C19orf53: variants seen among roughly 807,000 people sequenced by gnomAD.
C19orf53 encodes the protein leydig cell tumor 10 kDa protein homolog.
C19orf53 carries 9 observed loss-of-function variants against 6.5 expected under a neutral mutation model. That is an observed-to-expected ratio of 1.38 (90% CI 0.83 to 2.40). The LOEUF (loss-of-function observed/expected upper bound fraction) is 2.40, where lower values mean the gene tolerates loss of function less well. Ranked by LOEUF, C19orf53 falls within the 30% of genes most tolerant of loss-of-function variation. The pLI, the probability that C19orf53 is intolerant of heterozygous loss-of-function variation, is 0.00. For missense variants in C19orf53, 166 were observed against 129.7 expected (o/e 1.28, Z -1.36); for synonymous variants, 68 against 52.5 (o/e 1.29, Z -1.27).
rs1974384056 is a variant in C19orf53, at chr19:13,777,612, CA to C, written c.154-439del. Among the ~76,000 whole-genome samples, 3 of 151,856 alleles carry C rather than the reference CA, an allele frequency of 2.0e-5. No individual in the cohort carries two copies. The East Asian group carries it at 5.8e-4, about 29-fold the overall frequency. On this transcript the variant is annotated intron_variant, in intron 2 of 2. Coordinates refer to ENST00000588234, the MANE Select transcript of C19orf53 (RefSeq NM_014047.3). ...GGGGTTCACACTGCTGGTTTTGCCC[CA>C]CGCTTGTGCCTTACTTGCCAGCTCC...
In C19orf53 at chr19:13,774,648, C is replaced by G. The variant is rs779799737; in HGVS notation, c.98-4C>G. The G allele has an allele frequency of 6.2e-7, 1 of 1,611,162 alleles. No individual in the cohort carries two copies. Among genetic ancestry groups the G allele is most frequent in the African/African-American group, 1.3e-5 (1 of 74,998 alleles). ...CGGCCTCACGTGAGCACATCTTTCC[C>G]CAGGTCGTGTTATCGCTCCCAAGAA... On this transcript the variant is annotated splice_polypyrimidine_tract_variant and splice_region_variant and intron_variant, in intron 1 of 2. Transcript: ENST00000588234.
At position 13,776,124 on chromosome 19, in the gene C19orf53, A is replaced by ATT. The variant is rs57201742; in HGVS notation, c.153+1443_153+1444dup. Among the ~76,000 whole-genome samples, 665 of 84,884 alleles carry ATT rather than the reference A, an allele frequency of 7.8e-3. 16 individuals carry two copies. The highest frequency in any genetic ancestry group is 8.9e-3 in the African/African-American group (192 of 21,692). The allele number at this position is 84,884 out of a possible 152,430, so 55.7% of individuals were successfully genotyped here. A position where few individuals can be genotyped will look rare whatever the true frequency, so the allele number is the denominator to read the frequency against. On this transcript the variant is annotated intron_variant, in intron 2 of 2. Transcript: ENST00000588234. ...AGGCCTGCACCACCACACCGGGCTA[A>ATT]TTTTTTTTTTTTTTTTTTTTTTTTT...
At chr19:13,778,017 G>T in intron 2 of C19orf53, 35 bp from the exon 3 acceptor site, 1 of 1,582,668 alleles carries the variant, frequency 6.3e-7, no homozygotes, top group South Asian at 1.1e-5. Flanking sequence ...CTCAGCCCCA[G>T]GTCACAATCT....
rs766418989 is a variant in C19orf53 at position 13,778,203 on chromosome 19, G to A, written c.*5G>A. On this transcript the variant is annotated 3_prime_UTR_variant, in exon 3 of 3. Transcript: ENST00000588234. ...TCCTCCAAGACACCTTCCTGAGGAC[G>A]CTGGCCCCAGTGCAGGCCAACATCC... The A allele has an allele frequency of 1.8e-5, 29 of 1,594,836 alleles. No homozygotes were observed. In the African/African-American group the frequency reaches 2.3e-4, roughly 13 times the overall value.
chr19:13,774,777 G>A, intron 2 of C19orf53, 70 bp downstream of exon 2: 1 of 1,536,460 alleles, frequency 6.5e-7, no homozygotes, highest in Non-Finnish European at 8.8e-7. Flanking sequence ...AGGACGGCGA[G>A]GGGGGATGGG....
At chr19:13,775,298 T>C (rs34830227) in intron 2 of C19orf53, among the ~76,000 whole-genome samples, 48,347 of 151,744 alleles carry the variant, frequency 0.32, 8,255 homozygotes, top group South Asian at 0.44. Context: ...TCATTTTTTT[T>C]TGAGTCAGGG....
Position 13,778,115 on chromosome 19 carries a change from C to G in C19orf53, c.217C>G (p.Leu73Val). Residue 73 changes from leucine (L) to valine (V), a missense_variant, in exon 3 of 3, where the codon CTG becomes GTG. By Grantham distance (32) the Leu-to-Val change is conservative (BLOSUM62 1). Transcript: ENST00000588234. ...CGTGGTGATGAAAGCCAGCAGCAGC[C>G]TGCCCAAGAAGCTGGCACTGCTGAA... is the stretch of plus-strand genomic sequence containing the variant. The part of the protein sequence containing the change: ...HDVVMKASSS[L>V]PKKLALLKAP... The G allele has an allele frequency of 6.2e-7, 1 of 1,613,416 alleles. No individual in the cohort carries two copies. The highest frequency in any genetic ancestry group is 1.3e-5 in the African/African-American group (1 of 75,030).
chr19:13,776,801 G>A (rs35370055), intron 2 of C19orf53, among the ~76,000 whole-genome samples: 47,740 of 151,978 alleles, frequency 0.31, 8,018 homozygotes, highest in South Asian at 0.44. Flanking sequence ...CCATAGCAGC[G>A]CTTACCATCC....
intron 2 of C19orf53, among the ~76,000 whole-genome samples, chr19:13,777,542 G>A (rs1024518672): frequency 6.5e-4 from 99 of 152,200 alleles, no homozygotes; most frequent in Admixed American, 1.8e-3. Flanking sequence ...AACTCAGAAT[G>A]GCAGGGCAGA....
chr19:13,777,358 G>A (rs973201135), intron 2 of C19orf53, among the ~76,000 whole-genome samples: 3 of 152,020 alleles, frequency 2.0e-5, no homozygotes, highest in African/African-American at 7.2e-5. Context: ...CACCCAAACA[G>A]CTGAGACGAG....
intron 2 of C19orf53, among the ~76,000 whole-genome samples, 171 bp from the exon 3 acceptor site, chr19:13,777,881 C>T (rs1033227340): frequency 6.6e-6 from 1 of 152,102 alleles, no homozygotes; most frequent in Non-Finnish European, 1.5e-5. Flanking sequence ...TGTGTGGAGG[C>T]CCCGGAGAGT....
intron 2 of C19orf53, 167 bp downstream of exon 2, chr19:13,774,874 C>G (rs1201564006): frequency 2.3e-6 from 2 of 888,498 alleles, no homozygotes; most frequent in Non-Finnish European, 1.7e-6. Flanking sequence ...GCGTTAGGAG[C>G]GAAGGATGGA....
intron 2 of C19orf53, among the ~76,000 whole-genome samples, chr19:13,775,117 A>AGACCTGCG (rs961154434): frequency 6.6e-6 from 1 of 152,134 alleles, no homozygotes; most frequent in African/African-American, 2.4e-5. Flanking sequence ...CGTAGAAGCA[A>AGACCTGCG]GACCTGCGGC....
chr19:13,778,372 TAC>T lies in C19orf53; in HGVS notation c.*176_*177del. The T allele has an allele frequency of 2.8e-6, 2 of 709,998 alleles. No individual in the cohort carries two copies. Among genetic ancestry groups the T allele is most frequent in the Non-Finnish European group, 4.3e-6 (2 of 469,548 alleles). The allele number at this position is 709,998 out of a possible 1,614,324, so 44.0% of individuals were successfully genotyped here. On this transcript the variant is annotated 3_prime_UTR_variant, in exon 3 of 3. Coordinates refer to ENST00000588234, the MANE Select transcript of C19orf53 (RefSeq NM_014047.3). ...GAGAACCCAGCAATGACCAGGAAGA[TAC>T]AGTCACTAACTTCATCTGTCCCCGT...
chr19:13,778,316 A>C lies in C19orf53; in HGVS notation c.*118A>C. The C allele has an allele frequency of 7.8e-7, 1 of 1,280,322 alleles. No individual in the cohort carries two copies. The allele number at this position is 1,280,322 out of a possible 1,614,324, so 79.3% of individuals were successfully genotyped here. A position where few individuals can be genotyped will look rare whatever the true frequency, so the allele number is the denominator to read the frequency against. On this transcript the variant is annotated 3_prime_UTR_variant, in exon 3 of 3. Transcript: ENST00000588234. ...ACCCTGTCCCCCAGCACTGGGCTTC[A>C]CCTAGAACTTCAGTGGGGGCCAAGG...
intron 2 of C19orf53, among the ~76,000 whole-genome samples, chr19:13,776,144 TTTTTTTTG>T: frequency 6.8e-6 from 1 of 147,324 alleles, no homozygotes; most frequent in African/African-American, 2.5e-5. Context: ...TTTTTTTTTT[TTTTTTTTG>T]TAATTTTAGT....
At chr19:13,774,931 G>A in intron 2 of C19orf53, 1 of 610,532 alleles carries the variant, frequency 1.6e-6, no homozygotes, top group Non-Finnish European at 2.8e-6. Context: ...GCGAGGGATA[G>A]GGGCTGGGGG....
At chr19:13,777,658 C>T (rs1161682063) in intron 2 of C19orf53, among the ~76,000 whole-genome samples, 1 of 152,110 alleles carries the variant, frequency 6.6e-6, no homozygotes, top group Admixed American at 6.5e-5. Flanking sequence ...TCTTCAGATC[C>T]TCAGCTTGCC....
In C19orf53 at chr19:13,778,093, G is replaced by T; in HGVS notation, c.195G>T (p.Val65=). The T allele has an allele frequency of 6.2e-7, 1 of 1,613,286 alleles. No homozygotes were observed. Among genetic ancestry groups the T allele is most frequent in the East Asian group, 2.2e-5 (1 of 44,802 alleles). ...TCCGGAAGAAGATCGAACATGACGT[G>T]GTGATGAAAGCCAGCAGCAGCCTGC... ...VGIRKKIEHD[V]VMKASSSLPK... Residue 65 remains valine, a synonymous_variant, in exon 3 of 3, where the codon GTG becomes GTT. Coordinates refer to ENST00000588234, the MANE Select transcript of C19orf53 (RefSeq NM_014047.3).
Sources: gnomAD v4.1 joint callset for allele counts (sites outside exome capture counted in the v4.1 genomes callset) on GRCh38, gnomAD v4.1.1 for gene constraint, MANE v1.5 for transcripts, NCBI Gene and HGNC (gene_info 2026-07-23, HGNC 2026-07-21) for gene names.